The following FAM131B variants were observed in gnomAD, a reference collection of about 807,000 sequenced individuals.
FAM131B encodes protein FAM131B.
FAM131B carries 19 observed loss-of-function variants against 42.0 expected under a neutral mutation model. The observed-to-expected ratio is 0.45, with a 90% CI of 0.32 to 0.66. FAM131B has a LOEUF of 0.66. Among genes scored for constraint, FAM131B ranks in the 30% least tolerant of loss-of-function variants. The pLI, the probability that FAM131B is intolerant of heterozygous loss-of-function variation, is 0.05. For missense variants in FAM131B, 370 were observed against 468.4 expected, an observed-to-expected ratio of 0.79 and a Z score of 1.94; for synonymous variants, 183 against 177.6, an observed-to-expected ratio of 1.03 and a Z score of -0.24.
In FAM131B at chr7:143,359,540, G is replaced by A. The variant is rs1054725699; in HGVS notation, c.175-121C>T. ...CGAGCTAGGGCAGATGATAAGAAAA[G>A]CTACTATACCCAAGAGTCCCAAGGA... On this transcript the variant is annotated intron_variant, in intron 3 of 6. Transcript: ENST00000443739. This position sits in a 1 kb window ranked among gnomAD's most constrained non-coding sequence, Gnocchi z 5.4. 4 of 964,630 alleles carry A rather than the reference G, an allele frequency of 4.1e-6. No homozygotes were observed. Among genetic ancestry groups the A allele is most frequent in the Non-Finnish European group, 6.6e-6 (4 of 609,704 alleles). The allele number at this position is 964,630 out of a possible 1,614,324, so 59.8% of individuals were successfully genotyped here.
chr7:143,364,695 T>C (rs1316567207), upstream of FAM131B, among the ~76,000 whole-genome samples: 1 of 152,212 alleles, frequency 6.6e-6, no homozygotes, highest in Non-Finnish European at 1.5e-5. Flanking sequence ...ATTCTAGGCA[T>C]ATTCCTGGCC....
At chr7:143,381,759 T>G in the FAM131B span, 3,082 of 1,581,214 alleles carry the variant, frequency 1.9e-3, 27 homozygotes, top group African/African-American at 0.022. Context: ...GTGGGCGAGA[T>G]TCCCCCGCCG....
chr7:143,381,776 G>A, the FAM131B span: 1 of 1,570,520 alleles, frequency 6.4e-7, no homozygotes, highest in Non-Finnish European at 8.6e-7. Flanking sequence ...GCCGCCCCCG[G>A]AAGGTATGCG....
chr7:143,380,193 A>G, the FAM131B span: 4 of 985,100 alleles, frequency 4.1e-6, no homozygotes, highest in Non-Finnish European at 2.4e-6. This position sits in a 1 kb window ranked among gnomAD's most constrained non-coding sequence, Gnocchi z 5.0. Flanking sequence ...GTTTGGAGAA[A>G]GAACTGGGGC....
At position 143,356,541 on chromosome 7, in the gene FAM131B, G is replaced by A; in HGVS notation, c.*9C>T. On this transcript the variant is annotated 3_prime_UTR_variant, in exon 7 of 7. Coordinates refer to ENST00000443739, the MANE Select transcript of FAM131B (RefSeq NM_001031690.3). This position sits in a 1 kb window ranked among gnomAD's most constrained non-coding sequence, Gnocchi z 4.4. ...GTGGGAGTGGAAGGCAGGGCATTGGGGGAGGAAACTAGTTGTTGGCCTCGC... is the reference window on the plus strand; with the variant it reads ...GTGGGAGTGGAAGGCAGGGCATTGGAGGAGGAAACTAGTTGTTGGCCTCGC... The A allele has an allele frequency of 6.2e-7, 1 of 1,600,416 alleles. No individual in the cohort carries two copies. Among genetic ancestry groups the A allele is most frequent in the Non-Finnish European group, 8.6e-7 (1 of 1,168,506 alleles).
intron 1 of FAM131B, chr7:143,360,890 AG>A (rs1025904397): frequency 6.6e-6 from 1 of 152,348 alleles, no homozygotes; most frequent in African/African-American, 2.4e-5. Flanking sequence ...TGCAGGACTC[AG>A]GGGAAGGAGG....
chr7:143,381,621 C>T, the FAM131B span: 2 of 1,612,302 alleles, frequency 1.2e-6, no homozygotes, highest in Non-Finnish European at 1.7e-6. Context: ...GTCTCGGCTC[C>T]GGCTTTTTAC....
Position 143,356,416 on chromosome 7 carries a change from G to A in FAM131B, c.*134C>T. ...ATCCCATCCTGGTCCTCCATTTCCAGGAGAGGACTGGAAGCTCCTGGGTTC... is the reference window on the plus strand; with the variant it reads ...ATCCCATCCTGGTCCTCCATTTCCAAGAGAGGACTGGAAGCTCCTGGGTTC... On this transcript the variant is annotated 3_prime_UTR_variant, in exon 7 of 7. Transcript: ENST00000443739. The surrounding 1 kb of genome is among the most constrained non-coding windows in gnomAD (Gnocchi z 4.4). The A allele has an allele frequency of 1.5e-6, 1 of 655,628 alleles. No homozygotes were observed. Among genetic ancestry groups the A allele is most frequent in the Non-Finnish European group, 2.6e-6 (1 of 379,024 alleles). The allele number at this position is 655,628 out of a possible 1,614,324, so 40.6% of individuals were successfully genotyped here.
At chr7:143,373,029 A>C in the FAM131B span, among the ~76,000 whole-genome samples, 1 of 152,146 alleles carries the variant, frequency 6.6e-6, no homozygotes, top group South Asian at 2.1e-4. Context: ...TTACACCATT[A>C]GTGGTTACAT....
Position 143,356,727 on chromosome 7 carries a change from C to G in FAM131B, c.906G>C (p.Glu302Asp). The change falls in exon 7 of 7, where the codon GAG becomes GAC. Residue 302 changes from glutamate (E) to aspartate (D), a missense_variant. Coordinates refer to ENST00000443739, the MANE Select transcript of FAM131B (RefSeq NM_001031690.3). The surrounding 1 kb of genome is among the most constrained non-coding windows in gnomAD (Gnocchi z 4.4). Reference protein sequence around the residue: ...GAVDLARGPAEEEKRPLAPEE... With the variant: ...GAVDLARGPADEEKRPLAPEE... Reference sequence around the variant, plus strand: ...CAGGTGCCAATGGCCTCTTCTCCTCCTCAGCAGGGCCCCTTGCCAGGTCCA... The same window carrying G: ...CAGGTGCCAATGGCCTCTTCTCCTCGTCAGCAGGGCCCCTTGCCAGGTCCA... The G allele has an allele frequency of 6.2e-7, 1 of 1,614,170 alleles. No homozygotes were observed. The highest frequency in any genetic ancestry group is 8.5e-7 in the Non-Finnish European group (1 of 1,180,032).
At chr7:143,369,018 G>C in the FAM131B span, among the ~76,000 whole-genome samples, 1 of 152,238 alleles carries the variant, frequency 6.6e-6, no homozygotes, top group Non-Finnish European at 1.5e-5. Context: ...TCCCGACAGT[G>C]AAAGAGTGGT....
the FAM131B span, among the ~76,000 whole-genome samples, chr7:143,373,413 A>G: frequency 6.6e-6 from 1 of 152,164 alleles, no homozygotes; most frequent in Non-Finnish European, 1.5e-5. Context: ...ACAGATGACT[A>G]TATAGGATGT....
At chr7:143,374,735 C>T in the FAM131B span, among the ~76,000 whole-genome samples, 13 of 152,172 alleles carry the variant, frequency 8.5e-5, no homozygotes, top group East Asian at 1.7e-3. Context: ...GTCTCTAGTG[C>T]GCCCACAGCT....
At chr7:143,381,924 CGT>C in the FAM131B span, 1 of 836,218 alleles carries the variant, frequency 1.2e-6, no homozygotes, top group African/African-American at 1.7e-5. Flanking sequence ...CTTACCTCAT[CGT>C]GGAGCTCGTG....
chr7:143,376,644 G>A, the FAM131B span, among the ~76,000 whole-genome samples: 8 of 152,112 alleles, frequency 5.3e-5, no homozygotes, highest in Non-Finnish European at 7.3e-5. Context: ...ATCCTGATGC[G>A]CGCCCAACCC....
the FAM131B span, among the ~76,000 whole-genome samples, chr7:143,369,561 G>A: frequency 6.6e-6 from 1 of 151,794 alleles, no homozygotes; most frequent in Non-Finnish European, 1.5e-5. Flanking sequence ...TGTAGTCCTA[G>A]CTACTCGGGA....
chr7:143,366,815 C>T (rs974932823), upstream of FAM131B, among the ~76,000 whole-genome samples: 1 of 152,172 alleles, frequency 6.6e-6, no homozygotes, highest in African/African-American at 2.4e-5. Flanking sequence ...GCCTTGGCCT[C>T]CCAAAGTACT....
At chr7:143,370,390 C>T in the FAM131B span, among the ~76,000 whole-genome samples, 1 of 152,308 alleles carries the variant, frequency 6.6e-6, no homozygotes, top group African/African-American at 2.4e-5. Context: ...AGAGCAACTC[C>T]ATCTTGAATA....
upstream of FAM131B, among the ~76,000 whole-genome samples, chr7:143,367,234 G>T (rs1385375548): frequency 6.6e-6 from 1 of 152,226 alleles, no homozygotes; most frequent in Non-Finnish European, 1.5e-5. Flanking sequence ...CATGGCAGAA[G>T]TTCTGTGGTT....
Sources: gnomAD v4.1 joint callset for allele counts (sites outside exome capture counted in the v4.1 genomes callset) on GRCh38, gnomAD v4.1.1 for gene constraint, Gnocchi (gnomAD v3.1) non-coding constraint, MANE v1.5 for transcripts, NCBI Gene and HGNC (gene_info 2026-07-23, HGNC 2026-07-21) for gene names.